Variants in MAML2 observed in about 807,000 individuals in gnomAD.
The protein encoded by MAML2 is mastermind like transcriptional coactivator 2.
MAML2 carries 22 observed loss-of-function variants against 96.1 expected under a neutral mutation model. The ratio of observed to expected loss-of-function variants is 0.23; its 90% CI spans 0.16 to 0.33. The LOEUF (loss-of-function observed/expected upper bound fraction) is 0.33. Ranked by LOEUF, MAML2 falls within the 10% of genes least tolerant of loss-of-function variation. The pLI is 1.00. For synonymous variants in MAML2, 561 were observed against 521.3 expected, an observed-to-expected ratio of 1.08 and a Z score of -1.04; for missense variants, 1,367 against 1,392.4, an observed-to-expected ratio of 0.98 and a Z score of 0.29.
chr11:96,105,153 TG>T (rs1860002514), intron 1 of MAML2, among the ~76,000 whole-genome samples: 1 of 152,268 alleles, frequency 6.6e-6, no homozygotes, highest in African/African-American at 2.4e-5. Flanking sequence ...ACATTTATTT[TG>T]GTTTCTCTTT....
intron 4 of MAML2, among the ~76,000 whole-genome samples, chr11:95,982,223 T>C (rs1014665058): frequency 3.2e-4 from 48 of 152,318 alleles, no homozygotes; most frequent in African/African-American, 1.1e-3. Context: ...TAAGGATTTC[T>C]CCCTTAGAAA....
intron 1 of MAML2, among the ~76,000 whole-genome samples, chr11:96,122,594 A>G (rs1432662120): frequency 6.6e-6 from 1 of 152,150 alleles, no homozygotes; most frequent in Admixed American, 6.5e-5. Context: ...CAATTCAGTC[A>G]TAAGAAATTC....
intron 1 of MAML2, among the ~76,000 whole-genome samples, chr11:96,170,299 T>C (rs1321921800): frequency 6.6e-6 from 1 of 152,228 alleles, no homozygotes; most frequent in Non-Finnish European, 1.5e-5. Flanking sequence ...TCTTCCAAAT[T>C]GCATTAATAA....
chr11:96,290,559 G>A (rs1378024443), intron 1 of MAML2, among the ~76,000 whole-genome samples: 1 of 152,140 alleles, frequency 6.6e-6, no homozygotes, highest in Non-Finnish European at 1.5e-5. Flanking sequence ...CACATTGCCA[G>A]AACCACATTC....
intron 1 of MAML2, among the ~76,000 whole-genome samples, chr11:96,209,719 G>A (rs16923285): frequency 7.8e-4 from 118 of 152,216 alleles, no homozygotes; most frequent in African/African-American, 2.7e-3. Context: ...AAAATCTGTA[G>A]GCTCCTTTAA....
chr11:96,170,023 C>T lies in MAML2; in HGVS notation c.514-76506G>A, dbSNP rs549884365. 1.7e-4 allele frequency among the ~76,000 whole-genome samples: 26 copies of T among 152,354 alleles called. 1 individual carries two copies. The highest frequency in any genetic ancestry group is 6.8e-3 in the Middle Eastern group (2 of 294). On this transcript the variant is annotated intron_variant, in intron 1 of 4. Coordinates refer to ENST00000524717, the MANE Select transcript of MAML2 (RefSeq NM_032427.4). ...TCTGGTTCTGAGTTATTTTGCTGTA[C>T]ATTGTACAGAGGGCTCCACAACAAA...
intron 1 of MAML2, among the ~76,000 whole-genome samples, chr11:96,101,554 T>C (rs898006637): frequency 6.6e-6 from 1 of 152,240 alleles, no homozygotes; most frequent in Non-Finnish European, 1.5e-5. Context: ...TCCTACTTAC[T>C]GTACAAGTCT....
At chr11:96,120,228 T>A (rs11021437) in intron 1 of MAML2, among the ~76,000 whole-genome samples, 57,916 of 152,036 alleles carry the variant, frequency 0.38, 11,438 homozygotes, top group East Asian at 0.66. Context: ...AAGTGCTGGG[T>A]TTACAGGCGT....
At chr11:96,062,808 T>C (rs1486503923) in intron 2 of MAML2, among the ~76,000 whole-genome samples, 4 of 152,172 alleles carry the variant, frequency 2.6e-5, no homozygotes, top group Non-Finnish European at 5.9e-5. Flanking sequence ...CTAAGAACAT[T>C]TTTTGTTCCT....
chr11:96,219,023 T>C (rs1179314339), intron 1 of MAML2, among the ~76,000 whole-genome samples: 2 of 152,226 alleles, frequency 1.3e-5, no homozygotes, highest in South Asian at 2.1e-4. Context: ...TTCTTGGGTA[T>C]GTGCAAAAGT....
intron 1 of MAML2, among the ~76,000 whole-genome samples, chr11:96,176,843 G>A (rs1005954566): frequency 2.6e-5 from 4 of 152,126 alleles, no homozygotes; most frequent in Non-Finnish European, 4.4e-5. Flanking sequence ...TAGTGATACC[G>A]ATAGGTGTGA....
intron 2 of MAML2, among the ~76,000 whole-genome samples, chr11:96,084,551 C>T (rs1859577748): frequency 6.6e-6 from 1 of 152,136 alleles, no homozygotes; most frequent in African/African-American, 2.4e-5. Context: ...ACCACTGTTG[C>T]CAATAATAAC....
chr11:96,074,142 C>T (rs760385223), intron 2 of MAML2, among the ~76,000 whole-genome samples: 5 of 152,122 alleles, frequency 3.3e-5, no homozygotes, highest in Non-Finnish European at 7.4e-5. Context: ...CGCTTCCATA[C>T]TATAAGATGT....
At chr11:96,063,378 G>A (rs1407781700) in intron 2 of MAML2, among the ~76,000 whole-genome samples, 2 of 152,158 alleles carry the variant, frequency 1.3e-5, no homozygotes, top group Non-Finnish European at 2.9e-5. Flanking sequence ...GGCTGTCTCT[G>A]CCTTTTTAGC....
intron 1 of MAML2, among the ~76,000 whole-genome samples, chr11:96,229,564 A>G (rs1862261366): frequency 6.7e-6 from 1 of 148,454 alleles, no homozygotes; most frequent in Admixed American, 6.8e-5. Context: ...CAAGCATCCT[A>G]GATACAGAAA....
chr11:96,301,475 T>C (rs1863386961), intron 1 of MAML2, among the ~76,000 whole-genome samples: 1 of 152,138 alleles, frequency 6.6e-6, no homozygotes, highest in South Asian at 2.1e-4. Flanking sequence ...AGGCCAATGG[T>C]TAGATTCTAG....
At chr11:96,177,917 T>TGTGC (rs1491389508) in intron 1 of MAML2, among the ~76,000 whole-genome samples, 4 of 1,500 alleles carry the variant, frequency 2.7e-3, no homozygotes, top group Non-Finnish European at 9.4e-3. Flanking sequence ...AGACCTTAGT[T>TGTGC]GTGTGTGTGT....
intron 1 of MAML2, among the ~76,000 whole-genome samples, chr11:96,328,881 C>T (rs1863819259): frequency 6.6e-6 from 1 of 152,130 alleles, no homozygotes; most frequent in Admixed American, 6.5e-5. Flanking sequence ...AATTTCTTGA[C>T]TCTCTTTTAT....
chr11:96,160,070 G>A (rs1214738153), intron 1 of MAML2, among the ~76,000 whole-genome samples: 1 of 152,172 alleles, frequency 6.6e-6, no homozygotes, highest in African/African-American at 2.4e-5. Flanking sequence ...CTGCCACAGT[G>A]CTTTTCCCCT....
Sources: allele counts gnomAD v4.1 joint callset (sites outside exome capture counted in the v4.1 genomes callset), GRCh38; gene constraint gnomAD v4.1.1; transcripts MANE v1.5; gene names NCBI Gene and HGNC (gene_info 2026-07-23, HGNC 2026-07-21).